The following RHBDL3 variants were observed in gnomAD, a reference collection of about 807,000 sequenced individuals.
RHBDL3 encodes the protein rhomboid-related protein 3.
In RHBDL3, 28 loss-of-function variants were observed where a neutral mutation model predicts 48.2. The observed-to-expected ratio is 0.58, with a 90% CI of 0.43 to 0.80. RHBDL3 has a LOEUF of 0.80. RHBDL3 is among the 30% of genes least tolerant of loss of function. The pLI, the probability that RHBDL3 is intolerant of heterozygous loss-of-function variation, is 0.00. For synonymous variants in RHBDL3, 208 were observed against 232.3 expected, an observed-to-expected ratio of 0.90 and a Z score of 0.95; for missense variants, 464 against 542.7, an observed-to-expected ratio of 0.85 and a Z score of 1.44.
At chr17:32,302,776 T>A (rs1382283649) in intron 6 of RHBDL3, among the ~76,000 whole-genome samples, 1 of 151,998 alleles carries the variant, frequency 6.6e-6, no homozygotes, top group African/African-American at 2.4e-5. Flanking sequence ...GGCCCCTGGA[T>A]CTTAGGCCAA....
chr17:32,289,215 CTGCAAAGAGAT>C (rs2040271169), intron 4 of RHBDL3, among the ~76,000 whole-genome samples, 199 bp downstream of exon 4: 1 of 152,180 alleles, frequency 6.6e-6, no homozygotes, highest in African/African-American at 2.4e-5. Context: ...TAACCGTGGA[CTGCAAAGAGAT>C]ATTCCAAAGA....
In RHBDL3 at chr17:32,288,906, C is replaced by T. The variant is rs759099457; in HGVS notation, c.409C>T (p.Arg137Cys). The T allele has an allele frequency of 2.1e-5, 34 of 1,614,074 alleles. No individual in the cohort carries two copies. In the Middle Eastern group the frequency reaches 6.6e-4, roughly 31 times the overall value. The change falls in exon 4 of 9, where the codon CGC (arginine) becomes TGC (cysteine). Residue 137 changes from arginine (R) to cysteine (C), a missense_variant. Physicochemically the swap from Arg to Cys is radical, Grantham distance 180. Transcript: ENST00000269051. The stretch of plus-strand genomic sequence containing the variant: ...GCTGAGCCTCTCGCAGCGACTTATC[C>T]GCCATGTGGCCTATGAGACCCTGCC... ...KGLSLSQRLI[R>C]HVAYETLPRE...
intron 7 of RHBDL3, among the ~76,000 whole-genome samples, chr17:32,313,750 CCTTT>C (rs1196057278): frequency 8.7e-6 from 1 of 115,064 alleles, no homozygotes; most frequent in Admixed American, 9.1e-5. Flanking sequence ...GAATTCCCTC[CCTTT>C]TTTTTTTTTT....
chr17:32,269,467 T>C (rs995010059), intron 2 of RHBDL3, among the ~76,000 whole-genome samples: 5 of 152,250 alleles, frequency 3.3e-5, no homozygotes, highest in African/African-American at 1.2e-4. Context: ...GTGGGCGTGA[T>C]GACACGGAAT....
rs771755019 is a variant in RHBDL3 at position 32,321,057 on chromosome 17, CCGTGGGCATCACCCTGGGCGTGGT to C, written c.1044_1067del (p.Gly350_Val357del). 1.2e-6 allele frequency: 2 copies of C among 1,614,220 alleles called. No individual in the cohort carries two copies. Among genetic ancestry groups the C allele is most frequent in the Non-Finnish European group, 1.7e-6 (2 of 1,180,002 alleles). ...TTTGTGGCGCACTTGGGTGGCGTGG[CCGTGGGCATCACCCTGGGCGTGGT>C]GGTCCTGAGGAACTACGAGCAGAGG... On this transcript the variant is annotated inframe_deletion, in exon 9 of 9. Coordinates refer to ENST00000269051, the MANE Select transcript of RHBDL3 (RefSeq NM_138328.3).
Position 32,308,777 on chromosome 17 carries a change from G to A in RHBDL3, c.882+3336G>A, listed in dbSNP as rs968614883. On this transcript the variant is annotated intron_variant, in intron 7 of 8. Coordinates refer to ENST00000269051, the MANE Select transcript of RHBDL3 (RefSeq NM_138328.3). ...GCGTTGGGTCGACCCATATGAAATG[G>A]CCCTTTCTGGCTGGGCACAGTGGCT... Among the ~76,000 whole-genome samples the A allele has an allele frequency of 3.3e-5, 5 of 152,132 alleles. No homozygotes were observed. In the South Asian group the frequency reaches 8.3e-4, roughly 25 times the overall value.
intron 6 of RHBDL3, among the ~76,000 whole-genome samples, chr17:32,299,345 G>T (rs2040529987): frequency 6.6e-6 from 1 of 152,146 alleles, no homozygotes; most frequent in Non-Finnish European, 1.5e-5. Context: ...CATCTCCTTT[G>T]CTCCTGTATG....
rs1369476658 is a variant in RHBDL3 at position 32,323,626 on chromosome 17, G to A, written c.*2397G>A. On this transcript the variant is annotated 3_prime_UTR_variant, in exon 9 of 9. Coordinates refer to ENST00000269051, the MANE Select transcript of RHBDL3 (RefSeq NM_138328.3). ...TAGAAGATTCTAGAAATCCCTCATA[G>A]AAGCACTCAGCTCCCTCGGGGACTC... is the stretch of plus-strand genomic sequence containing the variant. 6.6e-6 allele frequency: 1 copy of A among 152,192 alleles called. No homozygotes were observed. The highest frequency in any genetic ancestry group is 1.5e-5 in the Non-Finnish European group (1 of 68,082). 9.4% of individuals were successfully genotyped at this position (152,192 alleles called of 1,614,324 possible). A position where few individuals can be genotyped will look rare whatever the true frequency, so the allele number is the denominator to read the frequency against.
chr17:32,321,518 G>T lies in RHBDL3; in HGVS notation c.*289G>T, dbSNP rs1304738485. 11 of 652,800 alleles carry T rather than the reference G, an allele frequency of 1.7e-5. No individual in the cohort carries two copies. The highest frequency in any genetic ancestry group is 2.7e-5 in the Non-Finnish European group (11 of 402,126). The allele number at this position is 652,800 out of a possible 1,614,324, so 40.4% of individuals were successfully genotyped here. ...TGTGAGAGTGGCCCTCCCTCACCTG[G>T]GCTGGGCTTCTTCCATGGGGCCAGG... On this transcript the variant is annotated 3_prime_UTR_variant, in exon 9 of 9. Transcript: ENST00000269051.
intron 6 of RHBDL3, among the ~76,000 whole-genome samples, chr17:32,302,553 T>TA (rs1567782237): frequency 1.7e-4 from 10 of 60,478 alleles, no homozygotes; most frequent in African/African-American, 3.4e-4. Context: ...ATATATATAT[T>TA]TTTTTTTAGT....
In RHBDL3 at chr17:32,323,596, T is replaced by G. The variant is rs1345780600; in HGVS notation, c.*2367T>G. The G allele has an allele frequency of 2.0e-5, 3 of 152,084 alleles. No homozygotes were observed. Among genetic ancestry groups the G allele is most frequent in the Non-Finnish European group, 2.9e-5 (2 of 68,020 alleles). 9.4% of individuals were successfully genotyped at this position (152,084 alleles called of 1,614,324 possible). A position where few individuals can be genotyped will look rare whatever the true frequency, so the allele number is the denominator to read the frequency against. ...TCCTCTCTTAGGGGTGAGAAAGCATTGAACTAGAAGATTCTAGAAATCCCT... is the reference window on the plus strand; with the variant it reads ...TCCTCTCTTAGGGGTGAGAAAGCATGGAACTAGAAGATTCTAGAAATCCCT... On this transcript the variant is annotated 3_prime_UTR_variant, in exon 9 of 9. Coordinates refer to ENST00000269051, the MANE Select transcript of RHBDL3 (RefSeq NM_138328.3).
In RHBDL3 at chr17:32,321,571, G is replaced by A; in HGVS notation, c.*342G>A. On this transcript the variant is annotated 3_prime_UTR_variant, in exon 9 of 9. Transcript: ENST00000269051. The stretch of plus-strand genomic sequence containing the variant: ...GTGCCCCCTCACTGCTGCGGATTGA[G>A]CAGCAGCTTCTTCCTCCTCCTCTAC... 2.2e-6 allele frequency: 1 copy of A among 445,338 alleles called. No individual in the cohort carries two copies. Among genetic ancestry groups the A allele is most frequent in the Non-Finnish European group, 4.2e-6 (1 of 240,140 alleles). The allele number at this position is 445,338 out of a possible 1,614,324, so 27.6% of individuals were successfully genotyped here. A position where few individuals can be genotyped will look rare whatever the true frequency, so the allele number is the denominator to read the frequency against.
At chr17:32,305,209 C>A in intron 6 of RHBDL3, 132 bp from the exon 7 acceptor site, 1 of 672,480 alleles carries the variant, frequency 1.5e-6, no homozygotes, top group Non-Finnish European at 2.7e-6. Context: ...GCAACATGGA[C>A]TCAAAGGAGG....
At chr17:32,268,058 T>A (rs544284586) in intron 2 of RHBDL3, 133 bp downstream of exon 2, 2 of 762,576 alleles carry the variant, frequency 2.6e-6, no homozygotes, top group East Asian at 2.4e-5. Flanking sequence ...GCTTTGTGCA[T>A]CTCTAGGGCT....
At chr17:32,272,165 T>C (rs1401351108) in intron 2 of RHBDL3, among the ~76,000 whole-genome samples, 3 of 152,252 alleles carry the variant, frequency 2.0e-5, no homozygotes, top group Non-Finnish European at 2.9e-5. Context: ...AGTATCTTCA[T>C]TGAGAATCAG....
At chr17:32,288,098 T>G (rs1023622382) in intron 3 of RHBDL3, 1 of 152,318 alleles carries the variant, frequency 6.6e-6, no homozygotes, top group African/African-American at 2.4e-5. Flanking sequence ...CAGGCACAGC[T>G]TGGGTTTTGG....
intron 6 of RHBDL3, among the ~76,000 whole-genome samples, chr17:32,300,396 T>A (rs905996796): frequency 5.9e-5 from 9 of 151,828 alleles, no homozygotes; most frequent in African/African-American, 2.2e-4. Flanking sequence ...AAAAGTTTTT[T>A]AAAAATTAGC....
In RHBDL3 at chr17:32,310,711, T is replaced by TA. The variant is rs202213910; in HGVS notation, c.882+5278dup. On this transcript the variant is annotated intron_variant, in intron 7 of 8. Transcript: ENST00000269051. ...CTGGGCGACAGATAGAGACTCCGTC[T>TA]AAAAAAAATATATATATAAAAAATT... is the stretch of plus-strand genomic sequence containing the variant. Among the ~76,000 whole-genome samples, 5 of 101,970 alleles carry TA rather than the reference T, an allele frequency of 4.9e-5. No individual in the cohort carries two copies. The East Asian group carries it at 6.1e-4, about 12-fold the overall frequency. The allele number at this position is 101,970 out of a possible 152,430, so 66.9% of individuals were successfully genotyped here.
At chr17:32,288,070 G>C (rs538619659) in intron 3 of RHBDL3, among the ~76,000 whole-genome samples, 18 of 152,184 alleles carry the variant, frequency 1.2e-4, no homozygotes, top group Admixed American at 2.6e-4. Flanking sequence ...GAAGGCCCTC[G>C]GGAGTGGTGA....
Sources: gnomAD v4.1 joint callset for allele counts (sites outside exome capture counted in the v4.1 genomes callset) on GRCh38, gnomAD v4.1.1 for gene constraint, MANE v1.5 for transcripts, NCBI Gene and HGNC (gene_info 2026-07-23, HGNC 2026-07-21) for gene names.